Variants in SMG6 observed in about 807,000 individuals in gnomAD.
The protein encoded by SMG6 is SMG6 nonsense mediated mRNA decay factor, also known as telomerase-binding protein EST1A.
A neutral mutation model predicts 142.2 loss-of-function variants in SMG6; 66 were observed. The ratio of observed to expected loss-of-function variants is 0.46; its 90% CI spans 0.38 to 0.57. The LOEUF (loss-of-function observed/expected upper bound fraction) is 0.57, where lower values mean the gene tolerates loss of function less well. Among genes scored for constraint, SMG6 ranks in the 20% least tolerant of loss-of-function variants. The pLI is 0.00. For missense variants in SMG6, 1,793 were observed against 1,832.0 expected (o/e 0.98, Z 0.39); for synonymous variants, 779 against 702.4 (o/e 1.11, Z -1.72).
At chr17:2,279,122 A>G (rs1180738552) in intron 8 of SMG6, among the ~76,000 whole-genome samples, 2 of 152,240 alleles carry the variant, frequency 1.3e-5, no homozygotes, top group South Asian at 2.1e-4. Flanking sequence ...GGCCAGTCTC[A>G]GGGATCAGGA....
At chr17:2,072,493 G>A (rs979347852) in intron 15 of SMG6, among the ~76,000 whole-genome samples, 1 of 152,162 alleles carries the variant, frequency 6.6e-6, no homozygotes, top group African/African-American at 2.4e-5. Flanking sequence ...CAGAGAACTG[G>A]GAAAGAGATC....
rs537125889 is a variant in SMG6 at position 2,111,125 on chromosome 17, C to T, written c.3358-25224G>A. On this transcript the variant is annotated intron_variant, in intron 13 of 18. Coordinates refer to ENST00000263073, the MANE Select transcript of SMG6 (RefSeq NM_017575.5). ...TCAATAAATATTTATTAAGCACATG[C>T]TATGGTGTGGCAGGCCCTATTCAAA... 2.6e-5 allele frequency among the ~76,000 whole-genome samples: 4 copies of T among 152,240 alleles called. No homozygotes were observed. In the South Asian group the frequency reaches 8.3e-4, roughly 32 times the overall value.
At chr17:2,237,751 T>C (rs1441161168) in intron 9 of SMG6, among the ~76,000 whole-genome samples, 1 of 152,160 alleles carries the variant, frequency 6.6e-6, no homozygotes, top group Non-Finnish European at 1.5e-5. Flanking sequence ...CAGTGGTGCA[T>C]GCCTGGAGCT....
At chr17:2,202,415 G>T (rs1385184167) in intron 10 of SMG6, among the ~76,000 whole-genome samples, 1 of 152,164 alleles carries the variant, frequency 6.6e-6, no homozygotes, top group Non-Finnish European at 1.5e-5. Context: ...AGCCTGCAGT[G>T]GTGGCAGGTG....
rs1173829687 is a variant in SMG6 at position 2,292,990 on chromosome 17, C to T, written c.2152-13G>A. 6.3e-7 allele frequency: 1 copy of T among 1,591,452 alleles called. No homozygotes were observed. Among genetic ancestry groups the T allele is most frequent in the Non-Finnish European group, 8.6e-7 (1 of 1,159,540 alleles). ...AGGCATATTTTACCTTCAGGAAAAA[C>T]AACCAGTTAGTAGAAAAGCCAAGAA... On this transcript the variant is annotated splice_polypyrimidine_tract_variant and intron_variant, in intron 4 of 18. Transcript: ENST00000263073.
chr17:2,297,918 G>A lies in SMG6; in HGVS notation c.1985C>T (p.Pro662Leu), dbSNP rs1448188037. The A allele has an allele frequency of 1.2e-6, 2 of 1,612,918 alleles. No homozygotes were observed. Among genetic ancestry groups the A allele is most frequent in the Middle Eastern group, 1.6e-4 (1 of 6,062 alleles). The part of the protein sequence containing the change: ...IEKFRQLVKD[P>L]NVENPEQIRN... ...AATCTGTTCTGGGTTCTCAACATTC[G>A]GATCCTTGACAAGTTGCCTGAACTT... is the stretch of plus-strand genomic sequence containing the variant. The change falls in exon 3 of 19, where the codon CCG (proline) becomes CTG (leucine). Residue 662 changes from proline (P) to leucine (L), a missense_variant. Pro to Leu is a moderately conservative substitution (Grantham distance 98). Coordinates refer to ENST00000263073, the MANE Select transcript of SMG6 (RefSeq NM_017575.5).
intron 10 of SMG6, among the ~76,000 whole-genome samples, chr17:2,208,404 T>C (rs1325749430): frequency 1.3e-5 from 2 of 152,214 alleles, no homozygotes; most frequent in Non-Finnish European, 2.9e-5. Flanking sequence ...GGCTCACAGC[T>C]GTCCTCGTAC....
At chr17:2,221,170 T>C (rs1003867165) in intron 10 of SMG6, among the ~76,000 whole-genome samples, 1 of 152,202 alleles carries the variant, frequency 6.6e-6, no homozygotes, top group Non-Finnish European at 1.5e-5. Context: ...ATGGTTTGGA[T>C]TGTGTCTCCA....
At chr17:2,270,840 C>T (rs536070413) in intron 8 of SMG6, among the ~76,000 whole-genome samples, 3 of 152,182 alleles carry the variant, frequency 2.0e-5, no homozygotes, top group East Asian at 3.9e-4. Flanking sequence ...TGCTTCCTTA[C>T]GAAATGGGCA....
intron 5 of SMG6, 104 bp downstream of exon 5, chr17:2,292,767 C>T: frequency 7.3e-7 from 1 of 1,363,698 alleles, no homozygotes; most frequent in Non-Finnish European, 1.0e-6. Flanking sequence ...ACTACAGGGA[C>T]CAATAGGGAC....
intron 13 of SMG6, among the ~76,000 whole-genome samples, chr17:2,130,629 A>G (rs981945034): frequency 6.6e-6 from 1 of 152,176 alleles, no homozygotes; most frequent in African/African-American, 2.4e-5. Context: ...TAAAACTTTT[A>G]GAAGAAAAAT....
At chr17:2,081,264 G>A (rs1011682423) in intron 15 of SMG6, among the ~76,000 whole-genome samples, 5 of 152,294 alleles carry the variant, frequency 3.3e-5, no homozygotes, top group African/African-American at 1.2e-4. Flanking sequence ...CTTGCTGGGG[G>A]TGAAGGCACA....
At chr17:2,240,473 T>G (rs2073772338) in intron 9 of SMG6, among the ~76,000 whole-genome samples, 1 of 126,990 alleles carries the variant, frequency 7.9e-6, no homozygotes, top group Non-Finnish European at 1.6e-5. Flanking sequence ...TGTGACAGGG[T>G]GGAAATGAGA....
intron 13 of SMG6, among the ~76,000 whole-genome samples, chr17:2,121,034 G>T (rs2069672731): frequency 1.3e-5 from 2 of 152,144 alleles, no homozygotes; most frequent in African/African-American, 4.8e-5. Context: ...ATTTGTGTTG[G>T]GCTGCATTCA....
At chr17:2,187,990 T>G in intron 11 of SMG6, among the ~76,000 whole-genome samples, 1 of 151,570 alleles carries the variant, frequency 6.6e-6, no homozygotes, top group East Asian at 1.9e-4. Flanking sequence ...GTCCAGTGAG[T>G]CTCCCATGAT....
intron 13 of SMG6, among the ~76,000 whole-genome samples, chr17:2,128,834 AGAG>A (rs1310345340): frequency 7.6e-5 from 11 of 144,674 alleles, no homozygotes; most frequent in African/African-American, 2.3e-4. Flanking sequence ...AAAAAAAAAA[AGAG>A]AGAGAGAGAA....
Position 2,071,096 on chromosome 17 carries a change from G to C in SMG6, c.3682-2165C>G, listed in dbSNP as rs71359142. Reference sequence around the variant, plus strand: ...GCAGGGACAGAACAAGCATGGCTTAGGGAGACGTGGGAGCAGTGGCAGCTG... The same window carrying C: ...GCAGGGACAGAACAAGCATGGCTTACGGAGACGTGGGAGCAGTGGCAGCTG... On this transcript the variant is annotated intron_variant, in intron 15 of 18. Coordinates refer to ENST00000263073, the MANE Select transcript of SMG6 (RefSeq NM_017575.5). The surrounding 1 kb of genome is among the most constrained non-coding windows in gnomAD (Gnocchi z 5.6). 1.3e-5 allele frequency among the ~76,000 whole-genome samples: 2 copies of C among 152,198 alleles called. No individual in the cohort carries two copies. The highest frequency in any genetic ancestry group is 2.1e-4 in the South Asian group (1 of 4,828).
intron 10 of SMG6, among the ~76,000 whole-genome samples, chr17:2,200,754 G>C (rs192012675): frequency 1.3e-5 from 2 of 152,022 alleles, no homozygotes; most frequent in Admixed American, 6.6e-5. Flanking sequence ...CTGTTGCCCA[G>C]GGTGGAGTGC....
At chr17:2,261,033 G>A (rs150111968) in intron 8 of SMG6, among the ~76,000 whole-genome samples, 4,209 of 151,628 alleles carry the variant, frequency 0.028, 83 homozygotes, top group South Asian at 0.072. Flanking sequence ...AAAGTCGGGC[G>A]CGGTGGCTCA....
Sources: gnomAD v4.1 joint callset for allele counts (sites outside exome capture counted in the v4.1 genomes callset) on GRCh38, gnomAD v4.1.1 for gene constraint, Gnocchi (gnomAD v3.1) non-coding constraint, MANE v1.5 for transcripts, NCBI Gene and HGNC (gene_info 2026-07-23, HGNC 2026-07-21) for gene names.